The following SCG3 variants were observed in gnomAD, a reference collection of about 807,000 sequenced individuals.
SCG3 encodes the protein secretogranin III.
SCG3 carries 38 observed loss-of-function variants against 56.2 expected under a neutral mutation model. The observed-to-expected ratio is 0.68, with a 90% CI of 0.52 to 0.89. The LOEUF is 0.89. Among genes scored for constraint, SCG3 ranks in the 40% least tolerant of loss-of-function variants. The probability of loss-of-function intolerance (pLI) is 0.00; values close to 1 mark genes in which losing one functional copy is unlikely to be tolerated. For missense variants in SCG3, 524 were observed against 540.7 expected (o/e 0.97, Z 0.31); for synonymous variants, 176 against 184.2 (o/e 0.96, Z 0.36).
chr15:51,718,807 A>G (rs8035173), intron 11 of SCG3, among the ~76,000 whole-genome samples: 60,017 of 151,890 alleles, frequency 0.4, 12,441 homozygotes, highest in Admixed American at 0.52. Flanking sequence ...CCTTGCATAC[A>G]ATTCAAACAG....
At chr15:51,691,928 G>A (rs1030856812) in intron 6 of SCG3, among the ~76,000 whole-genome samples, 1 of 148,704 alleles carries the variant, frequency 6.7e-6, no homozygotes, top group Admixed American at 6.6e-5. Flanking sequence ...GCAGGAGCTG[G>A]GGTCTTCAGG....
intron 7 of SCG3, 99 bp from the exon 8 acceptor site, chr15:51,695,776 A>C (rs2055299088): frequency 9.6e-6 from 7 of 732,030 alleles, no homozygotes; most frequent in South Asian, 1.7e-5. Flanking sequence ...AAAAAAAAAA[A>C]CCCAAACAAA....
intron 4 of SCG3, among the ~76,000 whole-genome samples, chr15:51,685,548 G>T (rs1471749454): frequency 6.6e-6 from 1 of 152,212 alleles, no homozygotes; most frequent in East Asian, 1.9e-4. Context: ...ACAGGCCAAG[G>T]TTCTTGGAGA....
At chr15:51,698,883 A>G (rs2055321341) in intron 8 of SCG3, among the ~76,000 whole-genome samples, 1 of 152,210 alleles carries the variant, frequency 6.6e-6, no homozygotes. Context: ...AGCCCAGGTC[A>G]TGGAAGACCC....
intron 4 of SCG3, among the ~76,000 whole-genome samples, chr15:51,684,155 A>C (rs79614017): frequency 0.012 from 1,803 of 152,238 alleles, 20 homozygotes; most frequent in Non-Finnish European, 0.015. Context: ...CTCACCTCTC[A>C]AATTCTAATC....
At chr15:51,707,932 T>G (rs1002737428) in intron 10 of SCG3, 19 of 152,194 alleles carry the variant, frequency 1.2e-4, no homozygotes, top group African/African-American at 4.3e-4. Flanking sequence ...ATATCCAGTA[T>G]GCAATAGGAC....
rs930277842 is a variant in SCG3, at chr15:51,701,148, G to A, written c.1111G>A (p.Glu371Lys). The change falls in exon 10 of 12, where the codon GAA (glutamate) becomes AAA (lysine). Residue 371 changes from glutamate to lysine, a missense_variant. Glu to Lys is a moderately conservative substitution (Grantham distance 56). Coordinates refer to ENST00000220478, the MANE Select transcript of SCG3 (RefSeq NM_013243.4). The part of the protein sequence containing the change: ...KSHEETDSTK[E>K]EAAKMEKEYG... ...TCATGAAGAAACAGACAGTACCAAG[G>A]AAGAAGCAGCTAAGATGGAAAAGGA... 5.6e-6 allele frequency: 9 copies of A among 1,613,822 alleles called. No homozygotes were observed. The highest frequency in any genetic ancestry group is 5.3e-5 in the African/African-American group (4 of 74,904).
At position 51,701,207 on chromosome 15, in the gene SCG3, T is replaced by C. The variant is rs377352639; in HGVS notation, c.1170T>C (p.Asp390=). 1.5e-5 allele frequency: 24 copies of C among 1,611,324 alleles called. No homozygotes were observed. The highest frequency in any genetic ancestry group is 2.0e-5 in the Non-Finnish European group (23 of 1,178,982). Residue 390 remains aspartate, a synonymous_variant, in exon 10 of 12, where the codon GAT becomes GAC. Transcript: ENST00000220478. Reference sequence around the variant, plus strand: ...GCTTGAAGGATTCCACAAAAGATGATAACTCCAACCCAGGAGGAAAGACAG... The same window carrying C: ...GCTTGAAGGATTCCACAAAAGATGACAACTCCAACCCAGGAGGAAAGACAG... ...YGSLKDSTKD[D]NSNPGGKTDE... is the part of the protein sequence containing the mutation.
chr15:51,713,009 A>G (rs1243791959), intron 10 of SCG3: 1 of 223,304 alleles, frequency 4.5e-6, no homozygotes, highest in Non-Finnish European at 8.7e-6. Context: ...CTAAGGACCC[A>G]TCTATCTAGT....
In SCG3 at chr15:51,688,362, T is replaced by G; in HGVS notation, c.500T>G (p.Val167Gly). Reference protein sequence around the residue: ...ARIYEENDRAVFDKIVSKLLN... With the variant: ...ARIYEENDRAGFDKIVSKLLN... ...ATTTATGAAGAAAATGACAGAGCCG[T>G]GTTTGACAAGATTGTTTCTAAACTA... is the stretch of plus-strand genomic sequence containing the variant. Residue 167 changes from valine to glycine, a missense_variant, in exon 5 of 12, where the codon GTG becomes GGG. By Grantham distance (109) the Val-to-Gly change is moderately radical. Coordinates refer to ENST00000220478, the MANE Select transcript of SCG3 (RefSeq NM_013243.4). 6.2e-7 allele frequency: 1 copy of G among 1,613,874 alleles called. No individual in the cohort carries two copies. Among genetic ancestry groups the G allele is most frequent in the Non-Finnish European group, 8.5e-7 (1 of 1,179,834 alleles).
At chr15:51,710,416 T>A (rs1039339313) in intron 10 of SCG3, among the ~76,000 whole-genome samples, 1 of 152,224 alleles carries the variant, frequency 6.6e-6, no homozygotes, top group East Asian at 1.9e-4. Flanking sequence ...TGAATTGCAG[T>A]CCAATTTTCT....
chr15:51,714,696 C>T (rs1014089961), intron 11 of SCG3, among the ~76,000 whole-genome samples: 28 of 152,300 alleles, frequency 1.8e-4, no homozygotes, highest in Middle Eastern at 3.4e-3. Flanking sequence ...GTTATTCCAG[C>T]GTGCAGCCAA....
Position 51,709,708 on chromosome 15 carries a change from T to TA in SCG3, c.1208-3625_1208-3624insA, listed in dbSNP as rs2055405264. ...ATATATATATATATATATATTTTTT[T>TA]TTTTTTTTTTTTTTTTTTTTTTTTT... is the stretch of plus-strand genomic sequence containing the variant. On this transcript the variant is annotated intron_variant, in intron 10 of 11. Transcript: ENST00000220478. 3.5e-4 allele frequency among the ~76,000 whole-genome samples: 9 copies of TA among 25,748 alleles called. 1 individual carries two copies. The highest frequency in any genetic ancestry group is 5.2e-4 in the Non-Finnish European group (7 of 13,358). The allele number at this position is 25,748 out of a possible 152,430, so 16.9% of individuals were successfully genotyped here.
intron 8 of SCG3, among the ~76,000 whole-genome samples, chr15:51,697,528 G>A (rs971523936): frequency 2.0e-5 from 3 of 152,216 alleles, no homozygotes; most frequent in Non-Finnish European, 4.4e-5. Flanking sequence ...GTTGCCACAT[G>A]TAGCTAGTAG....
intron 11 of SCG3, among the ~76,000 whole-genome samples, chr15:51,718,597 C>T (rs1246784944): frequency 6.6e-6 from 1 of 151,778 alleles, no homozygotes; most frequent in Non-Finnish European, 1.5e-5. Context: ...TAGTCATTTA[C>T]AGCTGTTATT....
intron 7 of SCG3, among the ~76,000 whole-genome samples, chr15:51,694,753 G>T (rs896161583): frequency 6.6e-6 from 1 of 152,160 alleles, no homozygotes; most frequent in African/African-American, 2.4e-5. Context: ...CCAAGAGGCC[G>T]AGCGCGGTGG....
chr15:51,717,090 C>G (rs1047074365), intron 11 of SCG3, among the ~76,000 whole-genome samples: 4 of 151,968 alleles, frequency 2.6e-5, no homozygotes, highest in African/African-American at 9.7e-5. Flanking sequence ...GCCAGGTGGG[C>G]CAGGCACAGT....
At chr15:51,701,643 G>A (rs1416165516) in intron 10 of SCG3, among the ~76,000 whole-genome samples, 1 of 152,022 alleles carries the variant, frequency 6.6e-6, no homozygotes, top group Non-Finnish European at 1.5e-5. Context: ...TTATTATTTG[G>A]TCAGGCGCAG....
intron 10 of SCG3, among the ~76,000 whole-genome samples, chr15:51,706,455 C>T (rs2055376544): frequency 6.6e-6 from 1 of 152,110 alleles, no homozygotes; most frequent in Non-Finnish European, 1.5e-5. Context: ...AACAGGATCC[C>T]TTCAGGACGG....
Sources: allele counts gnomAD v4.1 joint callset (sites outside exome capture counted in the v4.1 genomes callset), GRCh38; gene constraint gnomAD v4.1.1; transcripts MANE v1.5; gene names NCBI Gene and HGNC (gene_info 2026-07-23, HGNC 2026-07-21).